The following FHIP2A variants were observed in gnomAD, a reference collection of about 807,000 sequenced individuals.
The protein encoded by FHIP2A is family with sequence similarity 160 member B1.
Under a neutral mutation model 93.5 loss-of-function variants are expected in FHIP2A, and 46 were observed. The ratio of observed to expected loss-of-function variants is 0.49; its 90% CI spans 0.39 to 0.63. The LOEUF is 0.63. Ranked by LOEUF, FHIP2A falls within the 20% of genes least tolerant of loss-of-function variation. FHIP2A has a pLI of 0.00. For missense variants in FHIP2A, 769 were observed against 909.7 expected (o/e 0.85, Z 1.99); for synonymous variants, 332 against 326.5 (o/e 1.02, Z -0.18).
In FHIP2A at chr10:114,830,902, A is replaced by G; in HGVS notation, c.96A>G (p.Ala32=). The change falls in exon 2 of 17, where the codon GCA becomes GCG. Residue 32 remains alanine, a synonymous_variant. Coordinates refer to ENST00000369248, the MANE Select transcript of FHIP2A (RefSeq NM_020940.4). ...AAGATTTTGTTTATCACTGGAAGGCAATTACCCATTACTACATAGAGACTT... is the reference window on the plus strand; with the variant it reads ...AAGATTTTGTTTATCACTGGAAGGCGATTACCCATTACTACATAGAGACTT... ...LQEDFVYHWK[A]ITHYYIETSD... 1 of 1,609,600 alleles carries G rather than the reference A, an allele frequency of 6.2e-7. No individual in the cohort carries two copies. Among genetic ancestry groups the G allele is most frequent in the African/African-American group, 1.3e-5 (1 of 74,960 alleles).
intron 1 of FHIP2A, among the ~76,000 whole-genome samples, chr10:114,824,264 C>T (rs963067321): frequency 1.3e-5 from 2 of 152,164 alleles, no homozygotes; most frequent in Non-Finnish European, 1.5e-5. Context: ...AAAAGAAAGA[C>T]GGCTTTCCTG....
chr10:114,846,424 G>C (rs2083701611), intron 10 of FHIP2A, 57 bp downstream of exon 10: 1 of 1,504,624 alleles, frequency 6.6e-7, no homozygotes, highest in Non-Finnish European at 9.1e-7. Flanking sequence ...CGGTTTTAAT[G>C]TATTATACTT....
rs181975843 is a variant in FHIP2A at position 114,860,909 on chromosome 10, A to G, written c.2088+20A>G. On this transcript the variant is annotated intron_variant, in intron 15 of 16. Transcript: ENST00000369248. ...GTCAGGGTGAGTTACTAGTTCTGTT[A>G]TATTCCCTAGGATTGATAAATCTGT... 419 of 1,604,264 alleles carry G rather than the reference A, an allele frequency of 2.6e-4. 3 individuals are homozygous for G. The East Asian group carries it at 5.4e-3, about 21-fold the overall frequency.
intron 7 of FHIP2A, 70 bp from the exon 8 acceptor site, chr10:114,845,297 T>C (rs2083694052): frequency 1.2e-6 from 1 of 843,906 alleles, no homozygotes. Flanking sequence ...CCTTCATTTT[T>C]CCATACATTC....
chr10:114,882,953 A>G lies in FHIP2A; in HGVS notation c.2193-16537A>G, dbSNP rs375006925. On this transcript the variant is annotated intron_variant, in intron 16 of 16. Transcript: ENST00000369250. ...TTCAGCTTGATCCAGAAGGATGACTAAGGGTTCATGAAGGTGCAAGGCAAT... is the reference window on the plus strand; with the variant it reads ...TTCAGCTTGATCCAGAAGGATGACTGAGGGTTCATGAAGGTGCAAGGCAAT... Among the ~76,000 whole-genome samples the G allele has an allele frequency of 2.6e-5, 4 of 152,102 alleles. No homozygotes were observed. The East Asian group carries it at 5.8e-4, about 22-fold the overall frequency.
In FHIP2A at chr10:114,860,851, G is replaced by A. The variant is rs146879041; in HGVS notation, c.2050G>A (p.Ala684Thr). The A allele has an allele frequency of 2.2e-4, 361 of 1,613,266 alleles. 1 individual carries two copies. The highest frequency in any genetic ancestry group is 2.8e-4 in the Non-Finnish European group (335 of 1,179,560). Residue 684 changes from alanine (A) to threonine (T), a missense_variant, in exon 15 of 17, where the codon GCT becomes ACT. Physicochemically the swap from Ala to Thr is moderately conservative, Grantham distance 58. Coordinates refer to ENST00000369248, the MANE Select transcript of FHIP2A (RefSeq NM_020940.4). ...CCTTTTGGATCCTTACGTGAACCTC[G>A]CTCCTGGCTGTAGATCTCTCTTCTC... ...EYLLDPYVNL[A>T]PGCRSLFSVI... is the part of the protein sequence containing the mutation.
At chr10:114,833,797 C>T (rs1299271572) in intron 3 of FHIP2A, among the ~76,000 whole-genome samples, 2 of 152,128 alleles carry the variant, frequency 1.3e-5, no homozygotes, top group African/African-American at 4.8e-5. Flanking sequence ...TTAAGTGGAG[C>T]CAATTTATAT....
intron 13 of FHIP2A, among the ~76,000 whole-genome samples, chr10:114,849,649 A>C (rs1461020753): frequency 1.3e-5 from 2 of 152,244 alleles, no homozygotes; most frequent in Non-Finnish European, 2.9e-5. Flanking sequence ...TAAAGTGTAC[A>C]ATTTAATGTT....
intron 1 of FHIP2A, among the ~76,000 whole-genome samples, chr10:114,823,100 C>G (rs2083547627): frequency 6.6e-6 from 1 of 152,086 alleles, no homozygotes; most frequent in Non-Finnish European, 1.5e-5. Context: ...TTCCTATGTT[C>G]ATATTATGTG....
chr10:114,846,034 A>C lies in FHIP2A; in HGVS notation c.1150A>C (p.Lys384Gln). The C allele has an allele frequency of 6.2e-7, 1 of 1,613,968 alleles. No individual in the cohort carries two copies. The highest frequency in any genetic ancestry group is 8.5e-7 in the Non-Finnish European group (1 of 1,179,878). Residue 384 changes from lysine (K) to glutamine (Q), a missense_variant, in exon 9 of 17, where the codon AAA becomes CAA. By Grantham distance (53) the Lys-to-Gln change is moderately conservative. Coordinates refer to ENST00000369248, the MANE Select transcript of FHIP2A (RefSeq NM_020940.4). ...AQKTAAVALA[K>Q]AVHERFFIGV... ...CTAGACTGCTGCTGTTGCTCTTGCC[A>C]AAGCTGTTCATGAAAGATTTTTCAT...
chr10:114,871,016 C>A (rs1405553400), intron 16 of FHIP2A, among the ~76,000 whole-genome samples: 1 of 131,762 alleles, frequency 7.6e-6, no homozygotes, highest in African/African-American at 2.7e-5. Flanking sequence ...ATTTTAGCCT[C>A]CACATATATA....
intron 16 of FHIP2A, among the ~76,000 whole-genome samples, chr10:114,877,398 G>C (rs2143014796): frequency 6.6e-6 from 1 of 152,076 alleles, no homozygotes; most frequent in Middle Eastern, 3.4e-3. Context: ...CTATTAAGCT[G>C]GAGACAACAA....
intron 6 of FHIP2A, 56 bp downstream of exon 6, chr10:114,843,282 A>T (rs950327649): frequency 1.8e-6 from 2 of 1,113,470 alleles, no homozygotes; most frequent in Admixed American, 5.9e-5. Context: ...ATGTGTATTT[A>T]TTTATTTTTT....
chr10:114,886,877 G>A (rs564756698), intron 16 of FHIP2A, among the ~76,000 whole-genome samples: 1 of 152,110 alleles, frequency 6.6e-6, no homozygotes, highest in East Asian at 1.9e-4. Context: ...TCCTGCCTCA[G>A]CCTCCCAAGT....
intron 16 of FHIP2A, among the ~76,000 whole-genome samples, chr10:114,883,480 G>A (rs532438532): frequency 7.0e-4 from 106 of 152,218 alleles, no homozygotes; most frequent in African/African-American, 2.2e-3. Flanking sequence ...TGATAAGGAT[G>A]ACATTAAAAA....
At chr10:114,825,711 G>T (rs987403202) in intron 1 of FHIP2A, among the ~76,000 whole-genome samples, 56 of 152,172 alleles carry the variant, frequency 3.7e-4, no homozygotes, top group African/African-American at 1.4e-3. Context: ...GTTAGTTCCG[G>T]GGTTAGATTG....
In FHIP2A at chr10:114,821,976, C is replaced by T; in HGVS notation, c.-103C>T. ...CTCGTCCTCCCCGCCCCGCACCGGC[C>T]TTCACTCTGGAGCGGCCCCGGCAGC... On this transcript the variant is annotated 5_prime_UTR_variant, in exon 1 of 17. Transcript: ENST00000369248. 1.5e-6 allele frequency: 1 copy of T among 668,086 alleles called. No individual in the cohort carries two copies. Among genetic ancestry groups the T allele is most frequent in the Non-Finnish European group, 2.1e-6 (1 of 474,426 alleles). The allele number at this position is 668,086 out of a possible 1,614,324, so 41.4% of individuals were successfully genotyped here. A position where few individuals can be genotyped will look rare whatever the true frequency, so the allele number is the denominator to read the frequency against.
intron 1 of FHIP2A, among the ~76,000 whole-genome samples, chr10:114,826,309 T>C (rs1182119137): frequency 1.3e-5 from 2 of 152,244 alleles, no homozygotes; most frequent in Non-Finnish European, 2.9e-5. Flanking sequence ...TTCTAGCCCA[T>C]AGAGCCAGAC....
At chr10:114,891,219 A>AATATATATATATATATATAT (rs67046628) in intron 16 of FHIP2A, among the ~76,000 whole-genome samples, 6 of 138,476 alleles carry the variant, frequency 4.3e-5, no homozygotes, top group Non-Finnish European at 9.4e-5. Flanking sequence ...AACAACAACA[A>AATATATATATATATATATAT]ATATATATAT....
Sources: gnomAD v4.1 joint callset for allele counts (sites outside exome capture counted in the v4.1 genomes callset) on GRCh38, gnomAD v4.1.1 for gene constraint, MANE v1.5 for transcripts, NCBI Gene and HGNC (gene_info 2026-07-23, HGNC 2026-07-21) for gene names.